SLCO3A1: variants seen among roughly 807,000 people sequenced by gnomAD.
SLCO3A1 encodes PGE1 transporter.
Under a neutral mutation model 63.1 loss-of-function variants are expected in SLCO3A1, and 27 were observed. The observed-to-expected ratio is 0.43, with a 90% CI of 0.32 to 0.59. SLCO3A1 has a LOEUF of 0.59. SLCO3A1 is among the 20% of genes least tolerant of loss of function. SLCO3A1 has a pLI of 0.09. For synonymous variants in SLCO3A1, 473 were observed against 409.9 expected (o/e 1.15, Z -1.86); for missense variants, 773 against 945.8 (o/e 0.82, Z 2.40).
chr15:91,897,150 T>C lies in SLCO3A1; in HGVS notation c.181-18843T>C, dbSNP rs1421605474. On this transcript the variant is annotated intron_variant, in intron 1 of 9. Transcript: ENST00000318445. The surrounding 1 kb of genome is among the most constrained non-coding windows in gnomAD (Gnocchi z 4.7). The stretch of plus-strand genomic sequence containing the variant: ...ACACTATTTGCCATTGTCTATACAA[T>C]TGTTGCTTTTAAAATAAAGACAGGC... Among the ~76,000 whole-genome samples the C allele has an allele frequency of 6.6e-6, 1 of 152,172 alleles. No homozygotes were observed. The highest frequency in any genetic ancestry group is 1.5e-5 in the Non-Finnish European group (1 of 68,030).
chr15:92,038,807 G>A (rs113559768), intron 2 of SLCO3A1, among the ~76,000 whole-genome samples: 2,995 of 152,136 alleles, frequency 0.02, 55 homozygotes, highest in Non-Finnish European at 0.026. Context: ...ACCATCCTAA[G>A]CAAAAAGAAC....
At chr15:91,910,923 A>G (rs1898465556) in intron 1 of SLCO3A1, among the ~76,000 whole-genome samples, 1 of 152,150 alleles carries the variant, frequency 6.6e-6, no homozygotes, top group African/African-American at 2.4e-5. Context: ...AGATGGACAC[A>G]CCTCTGGGAG....
intron 2 of SLCO3A1, among the ~76,000 whole-genome samples, chr15:92,075,278 C>T (rs1230664381): frequency 1.3e-5 from 2 of 152,126 alleles, no homozygotes; most frequent in Non-Finnish European, 2.9e-5. Context: ...TAAACTTCTC[C>T]AGTCCTTTAG....
At chr15:92,072,457 T>A (rs886221738) in intron 2 of SLCO3A1, among the ~76,000 whole-genome samples, 1 of 152,226 alleles carries the variant, frequency 6.6e-6, no homozygotes. Context: ...GTAGTGGTTT[T>A]CAAATTTTGG....
intron 9 of SLCO3A1, 24 bp from the exon 10 acceptor site, chr15:92,162,727 GAACCT>G (rs1444771584): frequency 6.3e-7 from 1 of 1,587,488 alleles, no homozygotes; most frequent in African/African-American, 1.3e-5. Context: ...ACCAGATCCA[GAACCT>G]TAACATTCTT....
chr15:91,966,229 G>A (rs934217340), intron 2 of SLCO3A1, among the ~76,000 whole-genome samples: 5 of 152,154 alleles, frequency 3.3e-5, no homozygotes, highest in Non-Finnish European at 7.3e-5. Flanking sequence ...GCTCAGATGA[G>A]GTCAGGACAT....
intron 2 of SLCO3A1, among the ~76,000 whole-genome samples, chr15:91,992,927 G>GA (rs761865228): frequency 1.4e-4 from 22 of 152,114 alleles, no homozygotes; most frequent in Admixed American, 7.9e-4. Flanking sequence ...GATCTGTTGT[G>GA]AAAAAAGCTG....
intron 2 of SLCO3A1, among the ~76,000 whole-genome samples, chr15:92,052,451 G>A (rs2046969215): frequency 6.6e-6 from 1 of 152,112 alleles, no homozygotes; most frequent in Non-Finnish European, 1.5e-5. Flanking sequence ...AACTAGATAG[G>A]ACCTCAGGGT....
chr15:92,147,409 G>C (rs1481187769), intron 8 of SLCO3A1, among the ~76,000 whole-genome samples: 1 of 152,048 alleles, frequency 6.6e-6, no homozygotes, highest in Non-Finnish European at 1.5e-5. Flanking sequence ...GAGCCTGCAG[G>C]CAGTTTTGAA....
At chr15:92,077,861 A>T (rs1479880759) in intron 2 of SLCO3A1, among the ~76,000 whole-genome samples, 1 of 152,032 alleles carries the variant, frequency 6.6e-6, no homozygotes, top group Non-Finnish European at 1.5e-5. Context: ...TTCTGCTGCC[A>T]TTTCCCCTTT....
chr15:92,093,564 C>A (rs2047503193), intron 2 of SLCO3A1, among the ~76,000 whole-genome samples: 1 of 152,164 alleles, frequency 6.6e-6, no homozygotes, highest in East Asian at 1.9e-4. Context: ...TATTTAAAAA[C>A]CATTTGCCTT....
chr15:91,907,376 T>C (rs1898343159), intron 1 of SLCO3A1, among the ~76,000 whole-genome samples: 1 of 151,714 alleles, frequency 6.6e-6, no homozygotes, highest in African/African-American at 2.4e-5. Context: ...TGGCTAATTT[T>C]TGTATTTTTA....
rs1173168546 is a variant in SLCO3A1 at position 91,889,259 on chromosome 15, G to A, written c.181-26734G>A. Reference sequence around the variant, plus strand: ...GACTGTGGGTGGTCCTGCTGGACCTGGAGTGCATTTGCAACACTTTATGGG... The same window carrying A: ...GACTGTGGGTGGTCCTGCTGGACCTAGAGTGCATTTGCAACACTTTATGGG... On this transcript the variant is annotated intron_variant, in intron 1 of 9. Coordinates refer to ENST00000318445, the MANE Select transcript of SLCO3A1 (RefSeq NM_013272.4). 3.5e-6 allele frequency: 3 copies of A among 865,526 alleles called. No individual in the cohort carries two copies. In the African/African-American group the frequency reaches 5.2e-5, roughly 15 times the overall value. 53.6% of individuals were successfully genotyped at this position (865,526 alleles called of 1,614,324 possible).
At position 91,954,729 on chromosome 15, in the gene SLCO3A1, G is replaced by T. The variant is rs1900112573; in HGVS notation, c.646+38271G>T. On this transcript the variant is annotated intron_variant, in intron 2 of 9. Transcript: ENST00000318445. The surrounding 1 kb of genome is among the most constrained non-coding windows in gnomAD (Gnocchi z 4.7). ...AATGAGTGAGGGGGGTAAAGATGGG[G>T]AGAGGGGTTGACCTGCGAAGCACCC... 6.6e-6 allele frequency among the ~76,000 whole-genome samples: 1 copy of T among 152,062 alleles called. No individual in the cohort carries two copies. Among genetic ancestry groups the T allele is most frequent in the Non-Finnish European group, 1.5e-5 (1 of 68,016 alleles).
chr15:92,144,165 C>A (rs2238352), intron 7 of SLCO3A1, among the ~76,000 whole-genome samples: 1 of 152,172 alleles, frequency 6.6e-6, no homozygotes, highest in South Asian at 2.1e-4. Context: ...TTCTCTTTAC[C>A]CTTCACAGTT....
At chr15:91,876,166 C>T (rs1897393650) in intron 1 of SLCO3A1, among the ~76,000 whole-genome samples, 1 of 152,182 alleles carries the variant, frequency 6.6e-6, no homozygotes, top group Non-Finnish European at 1.5e-5. Context: ...TTTTAAAAGC[C>T]ACCTCCTGCT....
intron 2 of SLCO3A1, among the ~76,000 whole-genome samples, chr15:91,923,852 C>A (rs984891820): frequency 6.6e-6 from 1 of 152,116 alleles, no homozygotes; most frequent in South Asian, 2.1e-4. Context: ...GGGTCATAAA[C>A]AATATACATC....
chr15:91,956,228 G>C (rs978017800), intron 2 of SLCO3A1, among the ~76,000 whole-genome samples: 1 of 152,160 alleles, frequency 6.6e-6, no homozygotes, highest in South Asian at 2.1e-4. Flanking sequence ...AGAATTCCCT[G>C]GTGGCTTCTC....
chr15:91,987,258 T>C (rs1216677656), intron 2 of SLCO3A1, among the ~76,000 whole-genome samples: 2 of 152,084 alleles, frequency 1.3e-5, no homozygotes, highest in African/African-American at 2.4e-5. Context: ...TGCCTTTTTT[T>C]CCCCCATATT....
Sources: gnomAD v4.1 joint callset for allele counts (sites outside exome capture counted in the v4.1 genomes callset) on GRCh38, gnomAD v4.1.1 for gene constraint, Gnocchi (gnomAD v3.1) non-coding constraint, MANE v1.5 for transcripts, NCBI Gene and HGNC (gene_info 2026-07-23, HGNC 2026-07-21) for gene names.